The following RBFOX3 variants were observed in gnomAD, a reference collection of about 807,000 sequenced individuals.
RBFOX3 encodes RNA binding fox-1 homolog 3.
In RBFOX3, 17 loss-of-function variants were observed where a neutral mutation model predicts 48.7. The observed-to-expected ratio is 0.35, with a 90% CI of 0.24 to 0.52. The LOEUF is 0.52. Among genes scored for constraint, RBFOX3 ranks in the 20% least tolerant of loss-of-function variants. The pLI, the probability that RBFOX3 is intolerant of heterozygous loss-of-function variation, is 0.94. For synonymous variants in RBFOX3, 212 were observed against 209.5 expected, an observed-to-expected ratio of 1.01 and a Z score of -0.10; for missense variants, 382 against 497.5, an observed-to-expected ratio of 0.77 and a Z score of 2.21.
At chr17:79,406,995 C>T (rs1362682347) in intron 2 of RBFOX3, among the ~76,000 whole-genome samples, 1 of 152,092 alleles carries the variant, frequency 6.6e-6, no homozygotes, top group Non-Finnish European at 1.5e-5. Context: ...TACCAACGTC[C>T]GTGCATGCTT....
chr17:79,213,299 C>T (rs548154658), intron 4 of RBFOX3, among the ~76,000 whole-genome samples: 2 of 152,246 alleles, frequency 1.3e-5, no homozygotes, highest in African/African-American at 4.8e-5. Flanking sequence ...CTGCACTCAC[C>T]CAGGAAGGGG....
Position 79,266,070 on chromosome 17 carries a change from G to C in RBFOX3, c.-73-30265C>G, listed in dbSNP as rs565118071. Among the ~76,000 whole-genome samples, 7 of 152,372 alleles carry C rather than the reference G, an allele frequency of 4.6e-5. No homozygotes were observed. The South Asian group carries it at 1.4e-3, about 32-fold the overall frequency. On this transcript the variant is annotated intron_variant, in intron 3 of 14. Transcript: ENST00000693108. ...CCGGACCGGGCAGGTGAGACTGTCT[G>C]CTCCAGCCTTCCCGCCCCTCTCAGC...
At chr17:79,260,523 T>C (rs2148453674) in intron 3 of RBFOX3, among the ~76,000 whole-genome samples, 1 of 152,318 alleles carries the variant, frequency 6.6e-6, no homozygotes, top group Admixed American at 6.5e-5. Context: ...GAGATGCCAC[T>C]GGCACCTCCA....
intron 4 of RBFOX3, among the ~76,000 whole-genome samples, chr17:79,223,452 T>C (rs1476040870): frequency 6.6e-6 from 1 of 152,214 alleles, no homozygotes; most frequent in Non-Finnish European, 1.5e-5. Context: ...AATGTACCAA[T>C]GTGGCAGCCC....
chr17:79,645,113 A>G, the RBFOX3 span, among the ~76,000 whole-genome samples: 123,616 of 152,136 alleles, frequency 0.81, 52,707 homozygotes, highest in Non-Finnish European at 0.97. Flanking sequence ...ACCACTGCTC[A>G]GACTCAAGCT....
intron 2 of RBFOX3, among the ~76,000 whole-genome samples, chr17:79,378,869 C>T (rs2059545682): frequency 6.6e-6 from 1 of 152,238 alleles, no homozygotes. Flanking sequence ...CACAGCCGCA[C>T]AGTGGGTACA....
Position 79,156,054 on chromosome 17 carries a change from C to T in RBFOX3, c.-33-40306G>A, listed in dbSNP as rs117320453. 4.0e-3 allele frequency among the ~76,000 whole-genome samples: 615 copies of T among 152,366 alleles called. 4 individuals are homozygous for T. Among genetic ancestry groups the T allele is most frequent in the Non-Finnish European group, 6.5e-3 (442 of 68,034 alleles). On this transcript the variant is annotated intron_variant, in intron 4 of 14. Coordinates refer to ENST00000693108, the MANE Select transcript of RBFOX3 (RefSeq NM_001350451.2). ...GGCCTCGTCCCTCGGCCAGGCCTAG[C>T]CATCCCCTGGTGCCTGAGTCCAATC...
intron 2 of RBFOX3, among the ~76,000 whole-genome samples, chr17:79,394,039 C>T (rs770088079): frequency 5.3e-5 from 8 of 151,650 alleles, no homozygotes; most frequent in Non-Finnish European, 7.4e-5. Flanking sequence ...TCACACACAT[C>T]GGAGCTGGTC....
Position 79,366,640 on chromosome 17 carries a change from C to T in RBFOX3, c.-174-58816G>A, listed in dbSNP as rs142827245. ...TCCATCGTGCACAGTCGATCCCAGC[C>T]GCCTCGCCGCCAGCCCAGCATCTGC... On this transcript the variant is annotated intron_variant, in intron 2 of 14. Transcript: ENST00000693108. 4.2e-3 allele frequency among the ~76,000 whole-genome samples: 636 copies of T among 152,292 alleles called. 5 individuals carry two copies. The highest frequency in any genetic ancestry group is 0.014 in the African/African-American group (577 of 41,556).
At chr17:79,425,757 G>A (rs985352064) in intron 2 of RBFOX3, among the ~76,000 whole-genome samples, 13 of 152,194 alleles carry the variant, frequency 8.5e-5, no homozygotes, top group South Asian at 2.1e-4. Context: ...GGGACAGAGC[G>A]GGAGATTGGG....
chr17:79,664,322 G>A, the RBFOX3 span, among the ~76,000 whole-genome samples: 245 of 150,138 alleles, frequency 1.6e-3, no homozygotes, highest in African/African-American at 5.7e-3. Context: ...TTACAGGCAC[G>A]TGCCACCATG....
chr17:79,241,594 T>G (rs1160944890), intron 3 of RBFOX3, among the ~76,000 whole-genome samples: 2 of 152,282 alleles, frequency 1.3e-5, no homozygotes, highest in African/African-American at 4.8e-5. Flanking sequence ...TGGAACTGTT[T>G]GTGCGGGAGG....
intron 2 of RBFOX3, among the ~76,000 whole-genome samples, chr17:79,387,466 G>A (rs990950340): frequency 6.6e-6 from 1 of 152,196 alleles, no homozygotes; most frequent in African/African-American, 2.4e-5. Flanking sequence ...TTTCCGGCAG[G>A]GCCTGATCTA....
chr17:79,389,705 C>T (rs1033042896), intron 2 of RBFOX3, among the ~76,000 whole-genome samples: 3 of 152,184 alleles, frequency 2.0e-5, no homozygotes, highest in African/African-American at 4.8e-5. Context: ...CTTTCTTGTA[C>T]GTTCCTGGGG....
At chr17:79,568,200 C>T (rs2092539429) in intron 1 of RBFOX3, among the ~76,000 whole-genome samples, 1 of 152,174 alleles carries the variant, frequency 6.6e-6, no homozygotes, top group Non-Finnish European at 1.5e-5. Flanking sequence ...TGGAAGCAAA[C>T]ATCCAAGGCC....
Position 79,092,102 on chromosome 17 carries a change from G to A in RBFOX3, c.1078-1217C>T, listed in dbSNP as rs76931617. Reference sequence around the variant, plus strand: ...GTGCCTGGAGCCCCTCCCTCCCTGCGTCAGGGTGCTGGACACTAGGGCCAT... The same window carrying A: ...GTGCCTGGAGCCCCTCCCTCCCTGCATCAGGGTGCTGGACACTAGGGCCAT... On this transcript the variant is annotated intron_variant, in intron 14 of 14. Transcript: ENST00000693108. The A allele has an allele frequency of 7.6e-4, 747 of 985,486 alleles. 4 individuals carry two copies. In the African/African-American group the frequency reaches 0.012, roughly 16 times the overall value. The allele number at this position is 985,486 out of a possible 1,614,324, so 61.0% of individuals were successfully genotyped here.
intron 3 of RBFOX3, among the ~76,000 whole-genome samples, chr17:79,280,114 A>G (rs1231497523): frequency 3.3e-5 from 5 of 150,222 alleles, no homozygotes; most frequent in African/African-American, 1.2e-4. Flanking sequence ...ATGTGTATGC[A>G]CACACACACG....
At chr17:79,456,486 C>T (rs1169070941) in intron 2 of RBFOX3, among the ~76,000 whole-genome samples, 10 of 152,038 alleles carry the variant, frequency 6.6e-5, no homozygotes, top group Non-Finnish European at 1.5e-4. Context: ...GGAGAGAACC[C>T]GCCCCAGACC....
intron 2 of RBFOX3, among the ~76,000 whole-genome samples, chr17:79,339,063 C>CT (rs71365555): frequency 0.01 from 1,481 of 146,562 alleles, 28 homozygotes; most frequent in African/African-American, 0.032. Context: ...CTTTTCTTTT[C>CT]TTTTTTTTTT....
Sources: allele counts gnomAD v4.1 joint callset (sites outside exome capture counted in the v4.1 genomes callset), GRCh38; gene constraint gnomAD v4.1.1; transcripts MANE v1.5; gene names NCBI Gene and HGNC (gene_info 2026-07-23, HGNC 2026-07-21).